The following ROBO1 variants were observed in gnomAD, a reference collection of about 807,000 sequenced individuals.
ROBO1 encodes roundabout guidance receptor 1.
A neutral mutation model predicts 195.9 loss-of-function variants in ROBO1; 149 were observed. The observed-to-expected ratio is 0.76, with a 90% confidence interval of 0.67 to 0.87. The LOEUF is 0.87. ROBO1 is among the 40% of genes least tolerant of loss of function. ROBO1 has a pLI of 0.00. For missense variants in ROBO1, 1,933 were observed against 2,068.3 expected, an observed-to-expected ratio of 0.93 and a Z score of 1.27; for synonymous variants, 816 against 733.2, an observed-to-expected ratio of 1.11 and a Z score of -1.82.
chr3:78,950,120 A>C (rs2107767532), intron 3 of ROBO1, among the ~76,000 whole-genome samples: 1 of 152,270 alleles, frequency 6.6e-6, no homozygotes, highest in East Asian at 1.9e-4. Flanking sequence ...TCAGGGATCT[A>C]GAACTAGAAA....
At chr3:78,706,451 A>G (rs1217123751) in intron 8 of ROBO1, among the ~76,000 whole-genome samples, 1 of 152,190 alleles carries the variant, frequency 6.6e-6, no homozygotes, top group African/African-American at 2.4e-5. Context: ...AGGAATTAAT[A>G]TAATTATAAC....
At chr3:79,619,138 A>G (rs1944922379) in intron 1 of ROBO1, among the ~76,000 whole-genome samples, 1 of 151,916 alleles carries the variant, frequency 6.6e-6, no homozygotes, top group South Asian at 2.1e-4. Context: ...CCCACATTCC[A>G]TTGGTGTCTG....
chr3:79,369,302 T>C (rs2109331511), intron 2 of ROBO1, among the ~76,000 whole-genome samples: 1 of 152,264 alleles, frequency 6.6e-6, no homozygotes, highest in East Asian at 1.9e-4. Context: ...AAATCCCTCC[T>C]GTGGAAAAAA....
chr3:79,181,299 G>C (rs980622616), intron 2 of ROBO1, among the ~76,000 whole-genome samples: 2 of 152,056 alleles, frequency 1.3e-5, no homozygotes, highest in Non-Finnish European at 2.9e-5. Context: ...TAATCACAGA[G>C]CTTTTGCATT....
At chr3:79,612,607 T>G (rs1238129503) in intron 1 of ROBO1, among the ~76,000 whole-genome samples, 1 of 148,858 alleles carries the variant, frequency 6.7e-6, no homozygotes, top group Non-Finnish European at 1.5e-5. Flanking sequence ...ATCGCCACAC[T>G]GACTTCCACA....
chr3:78,826,231 A>G (rs902015469), intron 4 of ROBO1, among the ~76,000 whole-genome samples: 3 of 152,208 alleles, frequency 2.0e-5, no homozygotes, highest in Non-Finnish European at 4.4e-5. Flanking sequence ...AGTCTCATGT[A>G]ATCCTGCAAT....
intron 4 of ROBO1, among the ~76,000 whole-genome samples, chr3:78,832,792 T>C (rs927512824): frequency 6.6e-6 from 1 of 152,084 alleles, no homozygotes; most frequent in African/African-American, 2.4e-5. Flanking sequence ...TTCTTGAGGA[T>C]AACAGTGAAA....
intron 1 of ROBO1, among the ~76,000 whole-genome samples, chr3:79,662,820 A>G (rs926066301): frequency 1.3e-5 from 2 of 152,080 alleles, no homozygotes; most frequent in African/African-American, 4.8e-5. Context: ...CTGTGGAAGA[A>G]ACGAGTCTTT....
intron 2 of ROBO1, among the ~76,000 whole-genome samples, chr3:79,495,696 T>C (rs545091683): frequency 1.1e-4 from 16 of 152,340 alleles, no homozygotes; most frequent in African/African-American, 3.8e-4. Flanking sequence ...CAAAACTTCT[T>C]CATAATCTTA....
In ROBO1 at chr3:79,396,363, A is replaced by T. The variant is rs202138908; in HGVS notation, c.88+193461T>A. 7.2e-5 allele frequency among the ~76,000 whole-genome samples: 11 copies of T among 152,226 alleles called. No individual in the cohort carries two copies. The East Asian group carries it at 2.1e-3, about 29-fold the overall frequency. On this transcript the variant is annotated intron_variant, in intron 2 of 30. Transcript: ENST00000464233. ...ATTTTAACATCTTTTGATATATTCTATACTAGGGTGACATTGGGAAGTATA... is the reference window on the plus strand; with the variant it reads ...ATTTTAACATCTTTTGATATATTCTTTACTAGGGTGACATTGGGAAGTATA...
intron 4 of ROBO1, among the ~76,000 whole-genome samples, chr3:78,934,024 G>A (rs1328709282): frequency 6.6e-6 from 1 of 151,886 alleles, no homozygotes; most frequent in Admixed American, 6.6e-5. Context: ...CTTAGCAAAT[G>A]TATCTTCAAA....
In ROBO1 at chr3:79,767,807, T is replaced by C. The variant is rs1283742166; in HGVS notation, c.-106A>G. ...AGGCTCCGTAGTGCAGACGCAGCCCTGCAACTTTGCTGTGCACTGAGACCT... is the reference window on the plus strand; with the variant it reads ...AGGCTCCGTAGTGCAGACGCAGCCCCGCAACTTTGCTGTGCACTGAGACCT... On this transcript the variant is annotated 5_prime_UTR_variant, in exon 1 of 31. Coordinates refer to ENST00000464233, the MANE Select transcript of ROBO1 (RefSeq NM_002941.4). The C allele has an allele frequency of 2.0e-5, 3 of 152,226 alleles. No individual in the cohort carries two copies. The highest frequency in any genetic ancestry group is 4.4e-5 in the Non-Finnish European group (3 of 68,046). The allele number at this position is 152,226 out of a possible 1,614,324, so 9.4% of individuals were successfully genotyped here.
intron 2 of ROBO1, among the ~76,000 whole-genome samples, chr3:79,402,458 T>C (rs1227265534): frequency 1.3e-5 from 2 of 151,906 alleles, no homozygotes; most frequent in Non-Finnish European, 2.9e-5. Flanking sequence ...GGCAAGTATA[T>C]GCAATAAATA....
At chr3:79,545,971 T>C (rs1283444148) in intron 2 of ROBO1, among the ~76,000 whole-genome samples, 1 of 152,094 alleles carries the variant, frequency 6.6e-6, no homozygotes, top group Non-Finnish European at 1.5e-5. Flanking sequence ...ACCTTTGCCA[T>C]CCTTGAGAGA....
At chr3:78,937,074 T>A (rs2039853722) in intron 4 of ROBO1, among the ~76,000 whole-genome samples, 1 of 152,028 alleles carries the variant, frequency 6.6e-6, no homozygotes, top group African/African-American at 2.4e-5. Flanking sequence ...TTAAAATGGT[T>A]ACTTTAATTT....
At chr3:79,085,040 A>C (rs1288120442) in intron 3 of ROBO1, among the ~76,000 whole-genome samples, 3 of 152,194 alleles carry the variant, frequency 2.0e-5, no homozygotes, top group Middle Eastern at 3.2e-3. Flanking sequence ...ATCTCTACTT[A>C]GAAACATGAT....
At chr3:79,452,974 A>C (rs1195295660) in intron 2 of ROBO1, among the ~76,000 whole-genome samples, 1 of 152,090 alleles carries the variant, frequency 6.6e-6, no homozygotes, top group African/African-American at 2.4e-5. Context: ...AGAGAGTAAC[A>C]GAGGGTACAG....
chr3:78,793,776 A>G (rs2084100180), intron 4 of ROBO1, among the ~76,000 whole-genome samples: 1 of 152,032 alleles, frequency 6.6e-6, no homozygotes, highest in African/African-American at 2.4e-5. Flanking sequence ...TAATTTTGAG[A>G]TAGTTTTGGC....
chr3:79,577,342 T>A (rs370873639), intron 2 of ROBO1, among the ~76,000 whole-genome samples: 1 of 152,184 alleles, frequency 6.6e-6, no homozygotes, highest in Non-Finnish European at 1.5e-5. Context: ...AAAGAGAAAA[T>A]ATTAAGTATT....
Sources: gnomAD v4.1 joint callset for allele counts (sites outside exome capture counted in the v4.1 genomes callset) on GRCh38, gnomAD v4.1.1 for gene constraint, MANE v1.5 for transcripts, NCBI Gene and HGNC (gene_info 2026-07-23, HGNC 2026-07-21) for gene names.